FBXO11: variants seen among roughly 807,000 people sequenced by gnomAD.
The protein encoded by FBXO11 is F-box protein 11.
FBXO11 carries 13 observed loss-of-function variants against 117.0 expected under a neutral mutation model. The observed-to-expected ratio is 0.11, with a 90% CI of 0.07 to 0.18. The LOEUF (loss-of-function observed/expected upper bound fraction) is 0.18, where lower values mean the gene tolerates loss of function less well. FBXO11 is among the 10% of genes least tolerant of loss of function. The pLI, the probability that FBXO11 is intolerant of heterozygous loss-of-function variation, is 1.00. For missense variants in FBXO11, 767 were observed against 1,164.4 expected, an observed-to-expected ratio of 0.66 and a Z score of 4.97; for synonymous variants, 490 against 380.5, an observed-to-expected ratio of 1.29 and a Z score of -3.35.
rs935002666 is a variant in FBXO11 at position 47,829,572 on chromosome 2, T to C, written c.1398+2777A>G. 3.3e-5 allele frequency among the ~76,000 whole-genome samples: 5 copies of C among 152,134 alleles called. 1 individual carries two copies. The highest frequency in any genetic ancestry group is 7.4e-5 in the Non-Finnish European group (5 of 68,022). On this transcript the variant is annotated intron_variant, in intron 11 of 22. Coordinates refer to ENST00000403359, the MANE Select transcript of FBXO11 (RefSeq NM_001190274.2). ...ACATTTTAATCTTATTTTACAAAAG[T>C]AACAACTCTGCACTGAACTGAGTAT...
At chr2:47,843,432 T>G (rs1052157394) in intron 1 of FBXO11, among the ~76,000 whole-genome samples, 3 of 121,618 alleles carry the variant, frequency 2.5e-5, no homozygotes, top group African/African-American at 7.0e-5. Flanking sequence ...GTAGTTAATC[T>G]TTTTTTTTTT....
intron 1 of FBXO11, among the ~76,000 whole-genome samples, chr2:47,853,701 G>C (rs1674058933): frequency 1.3e-5 from 2 of 152,130 alleles, no homozygotes; most frequent in African/African-American, 2.4e-5. Flanking sequence ...TAAAATTACT[G>C]TGAAGATTAA....
intron 1 of FBXO11, among the ~76,000 whole-genome samples, chr2:47,898,854 A>G (rs1677875863): frequency 6.6e-6 from 1 of 152,308 alleles, no homozygotes; most frequent in East Asian, 1.9e-4. Context: ...TTGTTTATAG[A>G]AAGATTAGGT....
chr2:47,855,200 A>ATTTTTTTTTTTTTTTT (rs879453061), intron 1 of FBXO11, among the ~76,000 whole-genome samples: 1 of 144,914 alleles, frequency 6.9e-6, no homozygotes, highest in Admixed American at 6.9e-5. Context: ...AGGTAGACTC[A>ATTTTTTTTTTTTTTTT]TTTTTTTTTT....
In FBXO11 at chr2:47,808,442, C is replaced by CT. The variant is rs1558399503; in HGVS notation, c.2556-16dup. 2 of 1,563,190 alleles carry CT rather than the reference C, an allele frequency of 1.3e-6. No homozygotes were observed. The highest frequency in any genetic ancestry group is 1.7e-6 in the Non-Finnish European group (2 of 1,158,404). Reference sequence around the variant, plus strand: ...AAGTATGACATCTAAAAAGCAAAAGCTTAAATTACTTTTCTCAAACATGTC... The same window carrying CT: ...AAGTATGACATCTAAAAAGCAAAAGCTTTAAATTACTTTTCTCAAACATGTC... On this transcript the variant is annotated splice_polypyrimidine_tract_variant and intron_variant, in intron 21 of 22. Coordinates refer to ENST00000403359, the MANE Select transcript of FBXO11 (RefSeq NM_001190274.2).
intron 12 of FBXO11, 96 bp downstream of exon 12, chr2:47,823,047 T>G: frequency 1.2e-6 from 1 of 809,068 alleles, no homozygotes; most frequent in Non-Finnish European, 1.9e-6. Context: ...GTCAAATGTC[T>G]AACAAAAACT....
chr2:47,814,085 C>G, intron 16 of FBXO11: 1 of 449,886 alleles, frequency 2.2e-6, no homozygotes, highest in South Asian at 2.6e-5. Context: ...TGTAGAGTTT[C>G]CTAACATGTA....
chr2:47,831,683 A>C (rs185759783), intron 11 of FBXO11, among the ~76,000 whole-genome samples: 5 of 152,280 alleles, frequency 3.3e-5, no homozygotes, highest in Admixed American at 1.3e-4. Flanking sequence ...AAAGACATTC[A>C]AAACATTATT....
At chr2:47,813,425 ATTTTT>A (rs564540671) in intron 17 of FBXO11, 48 bp from the exon 18 acceptor site, 693 of 389,698 alleles carry the variant, frequency 1.8e-3, no homozygotes, top group East Asian at 3.4e-3. Context: ...TTTCTTTTTA[ATTTTT>A]TTTTTTTTTT....
chr2:47,904,520 T>C (rs1678581098), intron 1 of FBXO11, among the ~76,000 whole-genome samples: 1 of 152,006 alleles, frequency 6.6e-6, no homozygotes, highest in Non-Finnish European at 1.5e-5. Context: ...GCTAAACAGT[T>C]GGGTCCAAAT....
intron 21 of FBXO11, chr2:47,808,705 T>C: frequency 2.9e-6 from 1 of 350,544 alleles, no homozygotes; most frequent in Admixed American, 4.3e-5. Flanking sequence ...GAAAACAATT[T>C]TTGGAGGCGT....
At chr2:47,863,966 A>G (rs1030206938) in intron 1 of FBXO11, among the ~76,000 whole-genome samples, 11 of 152,108 alleles carry the variant, frequency 7.2e-5, no homozygotes, top group Non-Finnish European at 1.2e-4. Flanking sequence ...AAAACCCCAT[A>G]AAGACAAATC....
chr2:47,834,948 A>T, intron 5 of FBXO11, 77 bp from the exon 6 acceptor site: 1 of 977,054 alleles, frequency 1.0e-6, no homozygotes, highest in Non-Finnish European at 1.5e-6. Context: ...CAATTGCATG[A>T]ACAACTTTTA....
chr2:47,829,561 T>C (rs548861754), intron 11 of FBXO11, among the ~76,000 whole-genome samples: 3 of 152,278 alleles, frequency 2.0e-5, no homozygotes, highest in African/African-American at 4.8e-5. Context: ...TTTAATCTTA[T>C]TTTACAAAAG....
intron 1 of FBXO11, among the ~76,000 whole-genome samples, chr2:47,897,721 A>AAC (rs1274404614): frequency 1.4e-5 from 2 of 145,424 alleles, no homozygotes; most frequent in Admixed American, 6.9e-5. Flanking sequence ...AAAAAAAAAA[A>AAC]GGAAAAGAAA....
chr2:47,837,833 T>C (rs1458916664), intron 4 of FBXO11, among the ~76,000 whole-genome samples: 1 of 151,994 alleles, frequency 6.6e-6, no homozygotes, highest in African/African-American at 2.4e-5. Flanking sequence ...TGGGCTCAAA[T>C]GATCCTCCTG....
At chr2:47,897,092 T>C (rs1197759331) in intron 1 of FBXO11, among the ~76,000 whole-genome samples, 2 of 152,196 alleles carry the variant, frequency 1.3e-5, no homozygotes, top group Admixed American at 6.5e-5. Flanking sequence ...CATACCAAAG[T>C]TGTCCATCTC....
intron 1 of FBXO11, among the ~76,000 whole-genome samples, chr2:47,868,235 A>G (rs918688164): frequency 3.4e-5 from 5 of 148,846 alleles, no homozygotes. Context: ...GTGAGCCGAG[A>G]TCGCGCCACT....
intron 1 of FBXO11, among the ~76,000 whole-genome samples, chr2:47,848,152 A>C (rs1376399407): frequency 4.0e-5 from 6 of 150,612 alleles, no homozygotes; most frequent in Non-Finnish European, 7.4e-5. Flanking sequence ...ACAAAAAAAC[A>C]ACCAAACACA....
Sources: allele counts gnomAD v4.1 joint callset (sites outside exome capture counted in the v4.1 genomes callset), GRCh38; gene constraint gnomAD v4.1.1; transcripts MANE v1.5; gene names NCBI Gene and HGNC (gene_info 2026-07-23, HGNC 2026-07-21).